Variants in KIF23 observed in about 807,000 individuals in gnomAD.
KIF23 encodes kinesin family member 23, also known as kinesin-like protein KIF23.
In KIF23, 30 loss-of-function variants were observed where a neutral mutation model predicts 137.5. The observed-to-expected ratio is 0.22, with a 90% confidence interval of 0.16 to 0.30. KIF23 has a LOEUF of 0.30. Among genes scored for constraint, KIF23 ranks in the 10% least tolerant of loss-of-function variants. KIF23 has a pLI of 1.00. For missense variants in KIF23, 920 were observed against 1,194.3 expected (o/e 0.77, Z 3.38); for synonymous variants, 367 against 391.1 (o/e 0.94, Z 0.73).
At chr15:69,414,847 G>A (rs1220334175) in intron 1 of KIF23, 1 of 237,114 alleles carries the variant, frequency 4.2e-6, no homozygotes, top group Non-Finnish European at 8.1e-6. Context: ...CCTCCAGAGT[G>A]CAGTTGGCCA....
Position 69,442,565 on chromosome 15 carries a change from AC to A in KIF23, c.2421+1488del, listed in dbSNP as rs540412744. Among the ~76,000 whole-genome samples the A allele has an allele frequency of 5.9e-5, 9 of 152,352 alleles. No individual in the cohort carries two copies. The East Asian group carries it at 1.7e-3, about 29-fold the overall frequency. On this transcript the variant is annotated intron_variant, in intron 19 of 23. Transcript: ENST00000679126. ...GATGGTGATGAATCCCAAGTTATTT[AC>A]CAGGGAAACAGATGATTCTAAAGTC...
intron 11 of KIF23, among the ~76,000 whole-genome samples, chr15:69,433,014 TC>T (rs1408567374): frequency 1.3e-5 from 2 of 152,110 alleles, no homozygotes; most frequent in Non-Finnish European, 2.9e-5. Context: ...CCCATCATGT[TC>T]CCCCGGACAA....
chr15:69,435,935 A>G (rs2057466733), intron 13 of KIF23, among the ~76,000 whole-genome samples, 164 bp downstream of exon 13: 1 of 152,054 alleles, frequency 6.6e-6, no homozygotes, highest in Admixed American at 6.6e-5. Flanking sequence ...TAATCCCAAC[A>G]TGTTGGGAAG....
chr15:69,428,916 T>G (rs571262712), intron 10 of KIF23, among the ~76,000 whole-genome samples, 195 bp from the exon 11 acceptor site: 1 of 152,182 alleles, frequency 6.6e-6, no homozygotes, highest in African/African-American at 2.4e-5. Flanking sequence ...TGACAAGTAA[T>G]CATTAATGTC....
At position 69,426,168 on chromosome 15, in the gene KIF23, A is replaced by C; in HGVS notation, c.875A>C (p.Glu292Ala). The C allele has an allele frequency of 6.2e-7, 1 of 1,608,488 alleles. No individual in the cohort carries two copies. The change falls in exon 9 of 24, where the codon GAA becomes GCA. Residue 292 changes from glutamate (E) to alanine (A), a missense_variant. Coordinates refer to ENST00000679126, the MANE Select transcript of KIF23 (RefSeq NM_001367805.3). The part of the protein sequence containing the change: ...VEVKSTEEAF[E>A]VFWRGQKKRR... ...GTGAAATCTACTGAGGAGGCTTTTG[A>C]AGTTTTCTGGAGAGGTTAGAAACAC...
chr15:69,444,892 A>G lies in KIF23; in HGVS notation c.2524A>G (p.Met842Val). Reference protein sequence around the residue: ...RWVDHKPASNMQTETVMQPHV... With the variant: ...RWVDHKPASNVQTETVMQPHV... ...GGTAGATCATAAGCCCGCCTCTAACATGCAAACTGAAACAGTCATGCAGCC... is the reference window on the plus strand; with the variant it reads ...GGTAGATCATAAGCCCGCCTCTAACGTGCAAACTGAAACAGTCATGCAGCC... Residue 842 changes from methionine to valine, a missense_variant, in exon 20 of 24, where the codon ATG (methionine) becomes GTG (valine). This residue lies in a region of KIF23 where 75 missense variants were observed against 177.9 expected (regional missense o/e 0.42). Transcript: ENST00000679126. The surrounding 1 kb of genome is among the most constrained non-coding windows in gnomAD (Gnocchi z 4.2). 1 of 1,614,194 alleles carries G rather than the reference A, an allele frequency of 6.2e-7. No homozygotes were observed. Among genetic ancestry groups the G allele is most frequent in the Non-Finnish European group, 8.5e-7 (1 of 1,180,026 alleles).
At chr15:69,422,629 T>G (rs2057086126) in intron 6 of KIF23, among the ~76,000 whole-genome samples, 194 bp downstream of exon 6, 1 of 152,210 alleles carries the variant, frequency 6.6e-6, no homozygotes, top group African/African-American at 2.4e-5. Context: ...TCAATCACTG[T>G]TTTAAGAGGG....
intron 11 of KIF23, chr15:69,435,013 C>A: frequency 1.7e-6 from 1 of 595,948 alleles, no homozygotes. Context: ...TCGCTCAACA[C>A]CGCGTTGGCA....
At position 69,438,363 on chromosome 15, in the gene KIF23, A is replaced by G. The variant is rs550990921; in HGVS notation, c.1713A>G (p.Glu571=). 1.2e-6 allele frequency: 2 copies of G among 1,611,062 alleles called. No homozygotes were observed. The highest frequency in any genetic ancestry group is 2.7e-5 in the African/African-American group (2 of 74,780). The part of the protein sequence containing the change: ...KEKMISGQKL[E]IERLEKKNKT... Reference sequence around the variant, plus strand: ...AGATGATCTCAGGACAGAAATTGGAAATAGAACGACTGGAAAAGAAAAACA... The same window carrying G: ...AGATGATCTCAGGACAGAAATTGGAGATAGAACGACTGGAAAAGAAAAACA... Residue 571 remains glutamate, a synonymous_variant, in exon 16 of 24, where the codon GAA becomes GAG. Transcript: ENST00000679126.
rs373451321 is a variant in KIF23 at position 69,440,874 on chromosome 15, G to A, written c.2216G>A (p.Cys739Tyr). The A allele has an allele frequency of 1.9e-6, 3 of 1,614,006 alleles. No homozygotes were observed. Among genetic ancestry groups the A allele is most frequent in the African/African-American group, 2.7e-5 (2 of 74,906 alleles). Residue 739 changes from cysteine (C) to tyrosine (Y), a missense_variant, in exon 19 of 24, where the codon TGT becomes TAT. Cys to Tyr is a radical substitution (Grantham distance 194). Around this residue, in one of 4 missense-constraint regions of KIF23, gnomAD observed 714 missense variants for 866.2 expected, o/e 0.82. Transcript: ENST00000679126. ...TGCAGCAGCATTTCTGTAGCTTCCT[G>A]TATTTCGGAATGGGAGCAGAAAATT... is the stretch of plus-strand genomic sequence containing the variant. The part of the protein sequence containing the change: ...NSCSSISVAS[C>Y]ISEWEQKIPT...
chr15:69,433,846 A>G (rs1252994804), intron 11 of KIF23, among the ~76,000 whole-genome samples: 1 of 152,200 alleles, frequency 6.6e-6, no homozygotes, highest in Non-Finnish European at 1.5e-5. Flanking sequence ...CAGGGTAGAC[A>G]CCCTAAGTAA....
intron 1 of KIF23, among the ~76,000 whole-genome samples, chr15:69,415,361 A>G (rs1321029942): frequency 6.6e-6 from 1 of 152,236 alleles, no homozygotes; most frequent in Non-Finnish European, 1.5e-5. Flanking sequence ...GTCGAAGCCA[A>G]TAATCTTACT....
At chr15:69,422,227 A>C in intron 5 of KIF23, 99 bp downstream of exon 5, 1 of 1,465,662 alleles carries the variant, frequency 6.8e-7, no homozygotes, top group Non-Finnish European at 9.3e-7. Context: ...ATTCATTTTG[A>C]AACCTTAACT....
intron 7 of KIF23, 145 bp downstream of exon 7, chr15:69,423,474 G>A: frequency 1.8e-6 from 1 of 559,820 alleles, no homozygotes; most frequent in Non-Finnish European, 3.0e-6. Flanking sequence ...ATATCACGTG[G>A]TTTTGTGTTT....
intron 3 of KIF23, among the ~76,000 whole-genome samples, chr15:69,421,437 G>A (rs953107038): frequency 2.6e-5 from 4 of 152,026 alleles, no homozygotes; most frequent in Admixed American, 6.5e-5. Flanking sequence ...GACTGAAAAC[G>A]TTTACCAGTT....
chr15:69,434,746 T>G (rs1340892863), intron 11 of KIF23: 1 of 1,248,370 alleles, frequency 8.0e-7, no homozygotes, highest in Non-Finnish European at 1.2e-6. Flanking sequence ...ACGAACGCGC[T>G]GACTGGGCAG....
chr15:69,435,009 A>G, intron 11 of KIF23: 1 of 598,842 alleles, frequency 1.7e-6, no homozygotes, highest in Non-Finnish European at 3.0e-6. Flanking sequence ...GGACTCGCTC[A>G]ACACCGCGTT....
intron 14 of KIF23, 32 bp downstream of exon 14, chr15:69,436,293 C>G (rs2057477877): frequency 6.3e-7 from 1 of 1,597,694 alleles, no homozygotes; most frequent in Non-Finnish European, 8.5e-7. Context: ...TTTGTCCACT[C>G]ATTGGTCTGT....
At position 69,444,741 on chromosome 15, in the gene KIF23, A is replaced by G; in HGVS notation, c.2422-49A>G. The G allele has an allele frequency of 6.3e-7, 1 of 1,585,320 alleles. No homozygotes were observed. The highest frequency in any genetic ancestry group is 8.6e-7 in the Non-Finnish European group (1 of 1,162,352). ...CAACTAATGTAGCCAAACCTGCTGC[A>G]CTTCTAATAATACCCTTAAATTAAT... On this transcript the variant is annotated intron_variant, in intron 19 of 23. Transcript: ENST00000679126. The surrounding 1 kb of genome is among the most constrained non-coding windows in gnomAD (Gnocchi z 4.2).
Sources: allele counts gnomAD v4.1 joint callset (sites outside exome capture counted in the v4.1 genomes callset), GRCh38; gene constraint gnomAD v4.1.1; regional missense constraint gnomAD v4.1.1; non-coding constraint Gnocchi (gnomAD v3.1); transcripts MANE v1.5; gene names NCBI Gene and HGNC (gene_info 2026-07-23, HGNC 2026-07-21).